Variants in F2 observed in about 807,000 individuals in gnomAD.
F2 encodes the protein coagulation factor II, thrombin.
Under a neutral mutation model 81.9 loss-of-function variants are expected in F2, and 34 were observed. The observed-to-expected ratio is 0.42, with a 90% CI of 0.32 to 0.55. F2 has a LOEUF of 0.55. Among genes scored for constraint, F2 ranks in the 20% least tolerant of loss-of-function variants. The pLI is 0.18. For missense variants in F2, 630 were observed against 833.4 expected, an observed-to-expected ratio of 0.76 and a Z score of 3.00; for synonymous variants, 296 against 326.4, an observed-to-expected ratio of 0.91 and a Z score of 1.01.
chr11:46,726,632 G>C lies in F2; in HGVS notation c.1003+6G>C, dbSNP rs561266097. 9.9e-6 allele frequency: 16 copies of C among 1,613,616 alleles called. No homozygotes were observed. The highest frequency in any genetic ancestry group is 1.3e-5 in the Non-Finnish European group (15 of 1,179,492). ...CTTTGGCTCGGGAGAGGCAGGTGAGGTAGTGGGCATCCGAGGGGATGCGGG... is the reference window on the plus strand; with the variant it reads ...CTTTGGCTCGGGAGAGGCAGGTGAGCTAGTGGGCATCCGAGGGGATGCGGG... On this transcript the variant is annotated splice_donor_region_variant and intron_variant, in intron 8 of 13. Coordinates refer to ENST00000311907, the MANE Select transcript of F2 (RefSeq NM_000506.5). The surrounding 1 kb of genome is among the most constrained non-coding windows in gnomAD (Gnocchi z 5.9).
chr11:46,719,217 AC>A lies in F2; in HGVS notation c.-16del. 1 of 1,613,542 alleles carries A rather than the reference AC, an allele frequency of 6.2e-7. No homozygotes were observed. Among genetic ancestry groups the A allele is most frequent in the Non-Finnish European group, 8.5e-7 (1 of 1,179,854 alleles). On this transcript the variant is annotated 5_prime_UTR_variant, in exon 1 of 14. Coordinates refer to ENST00000311907, the MANE Select transcript of F2 (RefSeq NM_000506.5). The surrounding 1 kb of genome is among the most constrained non-coding windows in gnomAD (Gnocchi z 4.7). ...GGTCAGGACAGACAATTCCTCAGTG[AC>A]CCAGGAGCTGACACACTATGGCGCA...
chr11:46,724,994 AC>A (rs1359146732), intron 6 of F2, among the ~76,000 whole-genome samples: 1 of 146,732 alleles, frequency 6.8e-6, no homozygotes, highest in Non-Finnish European at 1.5e-5. Context: ...CTGATCTCAA[AC>A]TCCTGACCTT....
At chr11:46,737,203 G>T (rs941397815) in intron 12 of F2, among the ~76,000 whole-genome samples, 1 of 151,570 alleles carries the variant, frequency 6.6e-6, no homozygotes, top group Non-Finnish European at 1.5e-5. Flanking sequence ...GTGCAGTGGC[G>T]TGATCTCAGC....
At chr11:46,722,955 T>A (rs2064846628) in intron 4 of F2, among the ~76,000 whole-genome samples, 1 of 152,224 alleles carries the variant, frequency 6.6e-6, no homozygotes, top group African/African-American at 2.4e-5. Context: ...TGATGTGTAC[T>A]GAGCACCCGA....
At chr11:46,725,428 A>G (rs963331393) in intron 6 of F2, among the ~76,000 whole-genome samples, 3 of 151,734 alleles carry the variant, frequency 2.0e-5, no homozygotes, top group African/African-American at 7.3e-5. Flanking sequence ...TTACTCCCCA[A>G]CCCCCATACA....
In F2 at chr11:46,723,311, C is replaced by G; in HGVS notation, c.422+26C>G. On this transcript the variant is annotated intron_variant, in intron 5 of 13. Transcript: ENST00000311907. This position sits in a 1 kb window ranked among gnomAD's most constrained non-coding sequence, Gnocchi z 5.6. ...GTGAGTGAGGGGCCGGCCTTCCCAC[C>G]ATGGGCTGAGAACAGGGAGCAAGCG... is the stretch of plus-strand genomic sequence containing the variant. The G allele has an allele frequency of 1.2e-6, 2 of 1,613,524 alleles. No individual in the cohort carries two copies. Among genetic ancestry groups the G allele is most frequent in the Middle Eastern group, 1.6e-4 (1 of 6,062 alleles).
intron 2 of F2, chr11:46,720,137 G>T (rs2064827253): frequency 1.8e-6 from 1 of 568,710 alleles, no homozygotes; most frequent in Non-Finnish European, 3.1e-6. Flanking sequence ...TGTCCACATG[G>T]CCTCCTCAGC....
At chr11:46,737,027 G>A (rs2134545420) in intron 12 of F2, among the ~76,000 whole-genome samples, 1 of 152,006 alleles carries the variant, frequency 6.6e-6, no homozygotes, top group Non-Finnish European at 1.5e-5. Flanking sequence ...TTTTCTATTG[G>A]TATCTTATTT....
chr11:46,729,606 T>C (rs759639881), intron 12 of F2, 45 bp downstream of exon 12: 30 of 1,594,218 alleles, frequency 1.9e-5, no homozygotes, highest in Non-Finnish European at 2.5e-5. Context: ...GGGCCCAAGC[T>C]GGGAGAACTG....
chr11:46,728,342 C>A lies in F2; in HGVS notation c.1298+179C>A, dbSNP rs1414325393. Among the ~76,000 whole-genome samples the A allele has an allele frequency of 1.3e-5, 2 of 152,158 alleles. No individual in the cohort carries two copies. Among genetic ancestry groups the A allele is most frequent in the Non-Finnish European group, 2.9e-5 (2 of 68,020 alleles). On this transcript the variant is annotated intron_variant, in intron 10 of 13. Transcript: ENST00000311907. The surrounding 1 kb of genome is among the most constrained non-coding windows in gnomAD (Gnocchi z 5.1). ...ACGTCCTGACTGAGGCTTGGAGCTG[C>A]GGGGAGAAATCCGTCTGTCTCCTGG...
At chr11:46,735,138 C>T (rs1365064602) in intron 12 of F2, among the ~76,000 whole-genome samples, 2 of 152,206 alleles carry the variant, frequency 1.3e-5, no homozygotes, top group African/African-American at 2.4e-5. Context: ...ATAGCAAGAC[C>T]CTGTCTCTAC....
chr11:46,723,092 A>G lies in F2; in HGVS notation c.317-88A>G, dbSNP rs1298466267. 1 of 1,080,590 alleles carries G rather than the reference A, an allele frequency of 9.3e-7. No homozygotes were observed. The highest frequency in any genetic ancestry group is 1.4e-6 in the Non-Finnish European group (1 of 693,872). 66.9% of individuals were successfully genotyped at this position (1,080,590 alleles called of 1,614,324 possible). A position where few individuals can be genotyped will look rare whatever the true frequency, so the allele number is the denominator to read the frequency against. ...AGGTTCAGGATTGTGGACCTGCATG[A>G]GCTGGGAGGTGGGGGATAGACAACT... On this transcript the variant is annotated intron_variant, in intron 4 of 13. Transcript: ENST00000311907. The surrounding 1 kb of genome is among the most constrained non-coding windows in gnomAD (Gnocchi z 5.6).
chr11:46,719,800 T>C lies in F2; in HGVS notation c.178T>C (p.Cys60Arg). 2 of 1,594,724 alleles carry C rather than the reference T, an allele frequency of 1.3e-6. No homozygotes were observed. Among genetic ancestry groups the C allele is most frequent in the Non-Finnish European group, 1.7e-6 (2 of 1,171,582 alleles). Residue 60 changes from cysteine (C) to arginine (R), a missense_variant, in exon 2 of 14, where the codon TGC (cysteine) becomes CGC (arginine). Physicochemically the swap from Cys to Arg is radical, Grantham distance 180. Transcript: ENST00000311907. The surrounding 1 kb of genome is among the most constrained non-coding windows in gnomAD (Gnocchi z 4.7). ...EVRKGNLERECVEETCSYEEA... is the reference protein window; with the variant it reads ...EVRKGNLERERVEETCSYEEA... ...GCGCAAGGGCAACCTGGAGCGAGAG[T>C]GCGTGGAGGAGACGTGCAGCTACGA...
At position 46,723,155 on chromosome 11, in the gene F2, G is replaced by C; in HGVS notation, c.317-25G>C. The C allele has an allele frequency of 6.2e-7, 1 of 1,608,808 alleles. No homozygotes were observed. The highest frequency in any genetic ancestry group is 8.5e-7 in the Non-Finnish European group (1 of 1,175,484). ...AGGAAATAAGTCCCCAGGCTCCAAG[G>C]CTGACCGGGGTGGGGTCTCCGCAGG... On this transcript the variant is annotated intron_variant, in intron 4 of 13. Transcript: ENST00000311907. This position sits in a 1 kb window ranked among gnomAD's most constrained non-coding sequence, Gnocchi z 5.6.
rs774194329 is a variant in F2 at position 46,723,300 on chromosome 11, G to C, written c.422+15G>C. The stretch of plus-strand genomic sequence containing the variant: ...CATAAGCCTGAGTGAGTGAGGGGCC[G>C]GCCTTCCCACCATGGGCTGAGAACA... On this transcript the variant is annotated intron_variant, in intron 5 of 13. Coordinates refer to ENST00000311907, the MANE Select transcript of F2 (RefSeq NM_000506.5). The surrounding 1 kb of genome is among the most constrained non-coding windows in gnomAD (Gnocchi z 5.6). 1 of 1,613,430 alleles carries C rather than the reference G, an allele frequency of 6.2e-7. No homozygotes were observed. The highest frequency in any genetic ancestry group is 8.5e-7 in the Non-Finnish European group (1 of 1,179,418).
In F2 at chr11:46,725,921, C is replaced by T. The variant is rs2134531519; in HGVS notation, c.622C>T (p.Pro208Ser). The change falls in exon 7 of 14, where the codon CCT becomes TCT. Residue 208 changes from proline (P) to serine (S), a missense_variant. Pro to Ser is a moderately conservative substitution (Grantham distance 74, BLOSUM62 -1). Coordinates refer to ENST00000311907, the MANE Select transcript of F2 (RefSeq NM_000506.5). ...RSEGSSVNLS[P>S]PLEQCVPDRG... The stretch of plus-strand genomic sequence containing the variant: ...CGAAGGCTCCAGTGTGAATCTGTCA[C>T]CTCCATTGGAGCAGTGTGTCCCTGA... 1 of 1,613,846 alleles carries T rather than the reference C, an allele frequency of 6.2e-7. No homozygotes were observed. The highest frequency in any genetic ancestry group is 1.1e-5 in the South Asian group (1 of 91,074).
In F2 at chr11:46,723,339, C is replaced by T; in HGVS notation, c.423-43C>T. 1 of 1,613,480 alleles carries T rather than the reference C, an allele frequency of 6.2e-7. No individual in the cohort carries two copies. On this transcript the variant is annotated intron_variant, in intron 5 of 13. Transcript: ENST00000311907. This position sits in a 1 kb window ranked among gnomAD's most constrained non-coding sequence, Gnocchi z 5.6. ...GGGCTGAGAACAGGGAGCAAGCGTA[C>T]CTCAAGCCCAACAGCCTCCTGTTGG...
intron 12 of F2, among the ~76,000 whole-genome samples, chr11:46,733,997 A>G (rs2064928927): frequency 6.6e-6 from 1 of 151,956 alleles, no homozygotes; most frequent in Non-Finnish European, 1.5e-5. Flanking sequence ...CAGATTGGCC[A>G]GGCTGGTCTC....
intron 9 of F2, 72 bp from the exon 10 acceptor site, chr11:46,727,924 G>A: frequency 6.6e-7 from 1 of 1,519,480 alleles, no homozygotes; most frequent in South Asian, 1.2e-5. Flanking sequence ...ACCTGGGATT[G>A]TTACTTCTAG....
Sources: gnomAD v4.1 joint callset for allele counts (sites outside exome capture counted in the v4.1 genomes callset) on GRCh38, gnomAD v4.1.1 for gene constraint, Gnocchi (gnomAD v3.1) non-coding constraint, MANE v1.5 for transcripts, NCBI Gene and HGNC (gene_info 2026-07-23, HGNC 2026-07-21) for gene names.